H2BN1: variants seen among roughly 807,000 people sequenced by gnomAD.
The protein encoded by H2BN1 is histone H2B.N.
chr17:32,896,902 G>A, the H2BN1 span, among the ~76,000 whole-genome samples: 4 of 152,218 alleles, frequency 2.6e-5, no homozygotes, highest in African/African-American at 4.8e-5. Flanking sequence ...TCTAGAGCCT[G>A]TAGGGCTGGT....
At chr17:32,896,790 A>G in the H2BN1 span, among the ~76,000 whole-genome samples, 1 of 152,172 alleles carries the variant, frequency 6.6e-6, no homozygotes, top group African/African-American at 2.4e-5. Flanking sequence ...TATCTGCTAC[A>G]TGCCAGTTGC....
At chr17:32,906,489 G>A in the H2BN1 span, 1 of 152,214 alleles carries the variant, frequency 6.6e-6, no homozygotes, top group African/African-American at 2.4e-5. Flanking sequence ...TGCTGCATGA[G>A]GAGTTTCATT....
the H2BN1 span, among the ~76,000 whole-genome samples, chr17:32,904,911 T>C: frequency 6.6e-6 from 1 of 152,178 alleles, no homozygotes; most frequent in African/African-American, 2.4e-5. Context: ...CATGTAAAGC[T>C]GGTCAAATCT....
At chr17:32,895,822 G>A in the H2BN1 span, among the ~76,000 whole-genome samples, 4 of 152,268 alleles carry the variant, frequency 2.6e-5, no homozygotes, top group African/African-American at 7.2e-5. Context: ...CAGCAGCTCT[G>A]AACACCTGAG....
chr17:32,905,137 C>T, the H2BN1 span, among the ~76,000 whole-genome samples: 10 of 152,136 alleles, frequency 6.6e-5, no homozygotes, highest in Non-Finnish European at 1.2e-4. Flanking sequence ...TCTTCCCTGC[C>T]GAGAGTGAGC....
chr17:32,905,630 A>T, the H2BN1 span: 1 of 152,202 alleles, frequency 6.6e-6, no homozygotes, highest in Non-Finnish European at 1.5e-5. Flanking sequence ...TGCCCAAGGT[A>T]GTAGGGGCAC....
chr17:32,901,897 G>T, the H2BN1 span, among the ~76,000 whole-genome samples: 1 of 151,840 alleles, frequency 6.6e-6, no homozygotes, highest in Non-Finnish European at 1.5e-5. Context: ...TTTCTAGAAA[G>T]ATCATTATAC....
the H2BN1 span, among the ~76,000 whole-genome samples, chr17:32,898,688 AAAG>A: frequency 6.6e-6 from 1 of 152,220 alleles, no homozygotes; most frequent in African/African-American, 2.4e-5. Context: ...AGTTACTAGG[AAAG>A]TTCATTTTTA....
the H2BN1 span, among the ~76,000 whole-genome samples, chr17:32,896,601 G>A: frequency 6.6e-6 from 1 of 152,122 alleles, no homozygotes; most frequent in African/African-American, 2.4e-5. Flanking sequence ...CTTATCTTGG[G>A]AAACAAAGGG....
chr17:32,906,005 G>A, the H2BN1 span, among the ~76,000 whole-genome samples: 2 of 152,166 alleles, frequency 1.3e-5, no homozygotes, highest in African/African-American at 2.4e-5. Context: ...TCAAATGCCT[G>A]TCGTTGCCCC....
At chr17:32,901,563 G>A in the H2BN1 span, among the ~76,000 whole-genome samples, 7 of 152,102 alleles carry the variant, frequency 4.6e-5, no homozygotes, top group African/African-American at 1.7e-4. Context: ...TTTAATTGTT[G>A]TCAGTGTTTA....
At chr17:32,904,331 C>A in the H2BN1 span, among the ~76,000 whole-genome samples, 26 of 152,202 alleles carry the variant, frequency 1.7e-4, no homozygotes, top group African/African-American at 6.3e-4. Flanking sequence ...GACAAGACCT[C>A]TTAGAATGCA....
At chr17:32,901,960 T>C in the H2BN1 span, among the ~76,000 whole-genome samples, 1 of 152,174 alleles carries the variant, frequency 6.6e-6, no homozygotes, top group Non-Finnish European at 1.5e-5. Flanking sequence ...AAAATGAATT[T>C]TCTTATTGTG....
At chr17:32,899,091 G>A in the H2BN1 span, among the ~76,000 whole-genome samples, 3 of 152,218 alleles carry the variant, frequency 2.0e-5, no homozygotes, top group African/African-American at 7.2e-5. Flanking sequence ...AATAACAGGT[G>A]TACCATAGTT....
the H2BN1 span, among the ~76,000 whole-genome samples, chr17:32,897,960 G>A: frequency 1.3e-5 from 2 of 152,314 alleles, no homozygotes; most frequent in East Asian, 3.9e-4. Context: ...CTCCACTTCT[G>A]TTAGGAAAAA....
chr17:32,903,573 C>G, the H2BN1 span, among the ~76,000 whole-genome samples: 1 of 152,098 alleles, frequency 6.6e-6, no homozygotes, highest in African/African-American at 2.4e-5. Context: ...TACAAATTCA[C>G]CAGCTTGCAA....
the H2BN1 span, among the ~76,000 whole-genome samples, chr17:32,900,228 CAGAT>C: frequency 6.6e-6 from 1 of 152,098 alleles, no homozygotes; most frequent in Non-Finnish European, 1.5e-5. Context: ...AAATACAGCC[CAGAT>C]AAAGTCAAAT....
chr17:32,902,309 C>G, the H2BN1 span, among the ~76,000 whole-genome samples: 1 of 152,198 alleles, frequency 6.6e-6, no homozygotes, highest in African/African-American at 2.4e-5. Flanking sequence ...ATAACTGAGA[C>G]AGTGATCTCA....
the H2BN1 span, among the ~76,000 whole-genome samples, chr17:32,897,489 C>T: frequency 6.6e-6 from 1 of 152,100 alleles, no homozygotes; most frequent in Non-Finnish European, 1.5e-5. Context: ...GTAAATGATT[C>T]TCAGAACAGC....
Sources: gnomAD v4.1 joint callset for allele counts (sites outside exome capture counted in the v4.1 genomes callset) on GRCh38, gnomAD v4.1.1 for gene constraint, MANE v1.5 for transcripts, NCBI Gene and HGNC (gene_info 2026-07-23, HGNC 2026-07-21) for gene names.